Variants in IP6K3 observed in about 807,000 individuals in gnomAD.
IP6K3 encodes ATP:1D-myo-inositol-hexakisphosphate phosphotransferase.
A neutral mutation model predicts 28.8 loss-of-function variants in IP6K3; 20 were observed. That is an observed-to-expected ratio of 0.70 (90% CI 0.49 to 1.01). IP6K3 has a LOEUF of 1.01. Among genes scored for constraint, IP6K3 ranks in the 50% least tolerant of loss-of-function variants. The pLI is 0.00. For missense variants in IP6K3, 480 were observed against 537.1 expected, an observed-to-expected ratio of 0.89 and a Z score of 1.05; for synonymous variants, 213 against 221.3, an observed-to-expected ratio of 0.96 and a Z score of 0.33.
rs1205534346 is a variant in IP6K3 at position 33,742,181 on chromosome 6, A to G, written c.-180+4577T>C. Among the ~76,000 whole-genome samples the G allele has an allele frequency of 6.6e-6, 1 of 152,138 alleles. No homozygotes were observed. The highest frequency in any genetic ancestry group is 2.4e-5 in the African/African-American group (1 of 41,428). Reference sequence around the variant, plus strand: ...CAGAGTTTTCCCGGGGTCCAGAGCTATCAGGCACCAATGCTGGGACTCGGC... The same window carrying G: ...CAGAGTTTTCCCGGGGTCCAGAGCTGTCAGGCACCAATGCTGGGACTCGGC... On this transcript the variant is annotated intron_variant, in intron 1 of 5. Coordinates refer to ENST00000293756, the MANE Select transcript of IP6K3 (RefSeq NM_054111.5). This position sits in a 1 kb window ranked among gnomAD's most constrained non-coding sequence, Gnocchi z 4.5.
At chr6:33,735,201 G>T in intron 2 of IP6K3, 77 bp downstream of exon 2, 1 of 1,230,076 alleles carries the variant, frequency 8.1e-7, no homozygotes, top group Non-Finnish European at 1.2e-6. Flanking sequence ...CACCACAGGA[G>T]GACGTGGTGG....
At chr6:33,726,945 T>G in intron 3 of IP6K3, 39 bp from the exon 4 acceptor site, 1 of 1,527,572 alleles carries the variant, frequency 6.5e-7, no homozygotes, top group Non-Finnish European at 8.9e-7. Flanking sequence ...AGAGCAGAGG[T>G]CTGGGGAAGG....
At chr6:33,757,197 T>C in the IP6K3 span, among the ~76,000 whole-genome samples, 3 of 152,254 alleles carry the variant, frequency 2.0e-5, no homozygotes, top group African/African-American at 7.2e-5. Context: ...CCCTCCTCCC[T>C]CACCTCCCCA....
chr6:33,741,020 A>G (rs1766700201), intron 1 of IP6K3, among the ~76,000 whole-genome samples: 2 of 152,202 alleles, frequency 1.3e-5, no homozygotes, highest in African/African-American at 4.8e-5. Flanking sequence ...GCAGCTGTGA[A>G]GGTAAGCGTG....
intron 5 of IP6K3, among the ~76,000 whole-genome samples, chr6:33,723,439 C>A (rs1034027096): frequency 1.1e-4 from 16 of 152,204 alleles, no homozygotes; most frequent in Non-Finnish European, 2.2e-4. Flanking sequence ...ACAGAGGTGA[C>A]CCTCCACCCA....
intron 5 of IP6K3, 46 bp from the exon 6 acceptor site, chr6:33,723,233 A>G (rs773167363): frequency 1.5e-6 from 2 of 1,307,360 alleles, no homozygotes; most frequent in African/African-American, 1.5e-5. Context: ...GGAAACTTAA[A>G]CAAATTGTAT....
At chr6:33,761,241 A>C in the IP6K3 span, among the ~76,000 whole-genome samples, 11 of 152,130 alleles carry the variant, frequency 7.2e-5, no homozygotes, top group South Asian at 2.3e-3. Context: ...GGTGGGGGAC[A>C]TCAGCTTCCT....
At chr6:33,757,777 T>A in the IP6K3 span, among the ~76,000 whole-genome samples, 1 of 152,106 alleles carries the variant, frequency 6.6e-6, no homozygotes, top group Admixed American at 6.5e-5. Context: ...AGACTGCAGA[T>A]GAGAGACTGC....
At chr6:33,726,633 C>G (rs1766122634) in intron 4 of IP6K3, 98 bp downstream of exon 4, 1 of 1,248,030 alleles carries the variant, frequency 8.0e-7, no homozygotes, top group African/African-American at 1.5e-5. Flanking sequence ...CTCCATTGGC[C>G]CCGTGTTTGT....
chr6:33,722,875 G>GGT lies in IP6K3; in HGVS notation c.1077_1078insAC (p.Leu360ThrfsTer9). ...ATCATGCGGATGTCAACCTTGGTGA[G>GGT]ACCACCGGGAGAGCTACCGTGGGCT... On this transcript the variant is annotated frameshift_variant, in exon 6 of 6. Transcript: ENST00000293756. LOFTEE classifies it high-confidence loss of function. 2.5e-6 allele frequency: 4 copies of GGT among 1,614,214 alleles called. No homozygotes were observed. Among genetic ancestry groups the GGT allele is most frequent in the Non-Finnish European group, 2.5e-6 (3 of 1,180,044 alleles).
At chr6:33,760,565 G>A in the IP6K3 span, among the ~76,000 whole-genome samples, 1 of 152,156 alleles carries the variant, frequency 6.6e-6, no homozygotes, top group Non-Finnish European at 1.5e-5. Flanking sequence ...GTCTTGCTCT[G>A]TTGCCAGGCT....
chr6:33,728,434 C>T, intron 2 of IP6K3, 134 bp from the exon 3 acceptor site: 6 of 781,688 alleles, frequency 7.7e-6, no homozygotes, highest in South Asian at 1.7e-5. Flanking sequence ...GCTCCTCTCT[C>T]AAGGAAGAGC....
chr6:33,754,689 C>T, the IP6K3 span, among the ~76,000 whole-genome samples: 1 of 152,156 alleles, frequency 6.6e-6, no homozygotes, highest in African/African-American at 2.4e-5. Flanking sequence ...CCCATGGCCC[C>T]ATCTCTGCCC....
intron 5 of IP6K3, among the ~76,000 whole-genome samples, chr6:33,723,582 C>G (rs1398091868): frequency 1.3e-5 from 2 of 152,230 alleles, no homozygotes; most frequent in African/African-American, 4.8e-5. Context: ...TAATAGGAAT[C>G]TGAAATCACA....
At position 33,725,556 on chromosome 6, in the gene IP6K3, T is replaced by G; in HGVS notation, c.650A>C (p.Lys217Thr). 1 of 1,614,208 alleles carries G rather than the reference T, an allele frequency of 6.2e-7. No homozygotes were observed. Among genetic ancestry groups the G allele is most frequent in the Non-Finnish European group, 8.5e-7 (1 of 1,180,032 alleles). The part of the protein sequence containing the change: ...QYTHPCVLDL[K>T]MGTRQHGDDA... ...ATCGCCGTGCTGCCGGGTCCCCATC[T>G]TCAGATCCAGGACACAGGGATGCGT... is the stretch of plus-strand genomic sequence containing the variant. Residue 217 changes from lysine (K) to threonine (T), a missense_variant, in exon 5 of 6, where the codon AAG becomes ACG. Physicochemically the swap from Lys to Thr is moderately conservative, Grantham distance 78. Transcript: ENST00000293756.
the IP6K3 span, among the ~76,000 whole-genome samples, chr6:33,757,444 A>G: frequency 2.0e-5 from 3 of 152,180 alleles, no homozygotes. Context: ...TGGGATGCTG[A>G]GTTAATAAAA....
At chr6:33,727,771 C>T in intron 3 of IP6K3, 1 of 937,378 alleles carries the variant, frequency 1.1e-6, no homozygotes, top group Non-Finnish European at 1.3e-6. Context: ...TACTTCCTCC[C>T]CAGAGACACT....
chr6:33,722,494 T>G lies in IP6K3; in HGVS notation c.*226A>C. The G allele has an allele frequency of 2.0e-5, 8 of 399,628 alleles. No individual in the cohort carries two copies. The highest frequency in any genetic ancestry group is 1.0e-4 in the South Asian group (2 of 20,058). 24.8% of individuals were successfully genotyped at this position (399,628 alleles called of 1,614,324 possible). On this transcript the variant is annotated 3_prime_UTR_variant, in exon 6 of 6. Coordinates refer to ENST00000293756, the MANE Select transcript of IP6K3 (RefSeq NM_054111.5). ...GGTGCCACTTTATCCTGGCTGTCTG[T>G]TCTCCGATGAGCAGCATTAGAGCAT...
chr6:33,728,784 CCTT>C, intron 2 of IP6K3, among the ~76,000 whole-genome samples: 1 of 152,142 alleles, frequency 6.6e-6, no homozygotes, highest in East Asian at 1.9e-4. Flanking sequence ...TCCTGAGCAC[CCTT>C]CTTCTCCCTC....
Sources: allele counts gnomAD v4.1 joint callset (sites outside exome capture counted in the v4.1 genomes callset), GRCh38; gene constraint gnomAD v4.1.1; non-coding constraint Gnocchi (gnomAD v3.1); transcripts MANE v1.5; gene names NCBI Gene and HGNC (gene_info 2026-07-23, HGNC 2026-07-21).